Variants in RBMS3 observed in about 807,000 individuals in gnomAD.
RBMS3 encodes RNA-binding motif, single-stranded-interacting protein 3.
A neutral mutation model predicts 66.8 loss-of-function variants in RBMS3; 27 were observed. The ratio of observed to expected loss-of-function variants is 0.40; its 90% CI spans 0.30 to 0.56. RBMS3 has a LOEUF of 0.56. RBMS3 is among the 20% of genes least tolerant of loss of function. The probability of loss-of-function intolerance (pLI) is 0.40; values close to 1 mark genes in which losing one functional copy is unlikely to be tolerated. For synonymous variants in RBMS3, 188 were observed against 183.0 expected (o/e 1.03, Z -0.22); for missense variants, 513 against 549.5 (o/e 0.93, Z 0.66).
intron 7 of RBMS3, among the ~76,000 whole-genome samples, chr3:29,877,985 GT>G (rs1269454378): frequency 2.0e-5 from 3 of 152,094 alleles, no homozygotes; most frequent in Admixed American, 1.3e-4. Context: ...TTAGGAACTG[GT>G]TTTGTAGAAG....
At chr3:29,361,454 A>G (rs534008684) in intron 1 of RBMS3, among the ~76,000 whole-genome samples, 29 of 152,282 alleles carry the variant, frequency 1.9e-4, no homozygotes, top group Admixed American at 7.2e-4. Context: ...TGGGTAACCC[A>G]ACCTTTCTCT....
intron 4 of RBMS3, among the ~76,000 whole-genome samples, chr3:29,724,644 G>C (rs777938027): frequency 6.6e-6 from 1 of 152,072 alleles, no homozygotes; most frequent in Non-Finnish European, 1.5e-5. Flanking sequence ...GTTTGTCATT[G>C]TTTTAGGGCT....
At chr3:29,891,343 A>G (rs1329117956) in intron 8 of RBMS3, among the ~76,000 whole-genome samples, 1 of 151,644 alleles carries the variant, frequency 6.6e-6, no homozygotes, top group Non-Finnish European at 1.5e-5. Flanking sequence ...TCACTTAAAA[A>G]TTAGATCAAT....
intron 1 of RBMS3, among the ~76,000 whole-genome samples, chr3:29,317,376 A>G: frequency 6.6e-6 from 1 of 151,792 alleles, no homozygotes; most frequent in African/African-American, 2.4e-5. Context: ...TTTGTTTGGT[A>G]TTTCTCTCTG....
At chr3:29,331,096 C>T (rs540379730) in intron 1 of RBMS3, among the ~76,000 whole-genome samples, 4 of 152,090 alleles carry the variant, frequency 2.6e-5, no homozygotes, top group African/African-American at 7.2e-5. Flanking sequence ...TCCCAGAAAC[C>T]GAATTGATTA....
At chr3:29,764,062 G>A (rs1199348704) in intron 6 of RBMS3, among the ~76,000 whole-genome samples, 1 of 151,980 alleles carries the variant, frequency 6.6e-6, no homozygotes, top group East Asian at 1.9e-4. Flanking sequence ...TAGATAAGAG[G>A]AAGCATATAC....
chr3:29,994,362 C>G (rs552932570), intron 14 of RBMS3, among the ~76,000 whole-genome samples: 1 of 152,238 alleles, frequency 6.6e-6, no homozygotes, highest in African/African-American at 2.4e-5. Flanking sequence ...GAGGGGCACC[C>G]GCCATTGCCC....
chr3:29,355,779 G>T (rs974697805), intron 1 of RBMS3, among the ~76,000 whole-genome samples: 3 of 152,008 alleles, frequency 2.0e-5, no homozygotes, highest in East Asian at 3.9e-4. Flanking sequence ...AATCATAGTG[G>T]AAATTACATT....
chr3:29,471,003 A>G (rs1167105474), intron 2 of RBMS3, among the ~76,000 whole-genome samples: 2 of 152,164 alleles, frequency 1.3e-5, no homozygotes, highest in Admixed American at 1.3e-4. Context: ...ATAGATATTT[A>G]TATTAAATAC....
intron 4 of RBMS3, among the ~76,000 whole-genome samples, chr3:29,691,947 C>CTCTTTTTTTTTTTTTTT (rs1218393454): frequency 3.7e-5 from 2 of 53,524 alleles, no homozygotes; most frequent in Non-Finnish European, 7.8e-5. Context: ...CTCTCTCTCT[C>CTCTTTTTTTTTTTTTTT]TATTTTTTTT....
intron 2 of RBMS3, among the ~76,000 whole-genome samples, chr3:29,479,035 T>A (rs1375062137): frequency 6.6e-6 from 1 of 152,202 alleles, no homozygotes; most frequent in Non-Finnish European, 1.5e-5. Context: ...TTATTCACTA[T>A]ACATAGGGGC....
intron 1 of RBMS3, among the ~76,000 whole-genome samples, chr3:29,419,038 A>G (rs2040593606): frequency 6.6e-6 from 1 of 152,186 alleles, no homozygotes; most frequent in Admixed American, 6.5e-5. Flanking sequence ...ATTATAAAGA[A>G]TACAGTTTAC....
Position 29,509,244 on chromosome 3 carries a change from A to G in RBMS3, c.307+20745A>G, listed in dbSNP as rs553123187. Among the ~76,000 whole-genome samples the G allele has an allele frequency of 3.3e-5, 5 of 152,112 alleles. No homozygotes were observed. In the East Asian group the frequency reaches 7.8e-4, roughly 24 times the overall value. On this transcript the variant is annotated intron_variant, in intron 3 of 14. Transcript: ENST00000383767. ...TGGCTCTGGTCAATTCTTATCTCTT[A>G]CCACATATCCAACCAACCATACCTA...
chr3:29,790,738 T>G (rs966692890), intron 6 of RBMS3, among the ~76,000 whole-genome samples: 7 of 152,228 alleles, frequency 4.6e-5, no homozygotes, highest in Non-Finnish European at 8.8e-5. Flanking sequence ...GCCCTCATTT[T>G]CTTGCTTTTT....
chr3:29,713,535 G>A (rs1270620502), intron 4 of RBMS3, among the ~76,000 whole-genome samples: 1 of 152,152 alleles, frequency 6.6e-6, no homozygotes, highest in African/African-American at 2.4e-5. Context: ...TTCTATACCA[G>A]AAGAAAAGCA....
intron 8 of RBMS3, among the ~76,000 whole-genome samples, chr3:29,890,377 C>T (rs1398088649): frequency 6.6e-6 from 1 of 151,592 alleles, no homozygotes; most frequent in Non-Finnish European, 1.5e-5. Flanking sequence ...ATTCGCATTG[C>T]TCTATGCAAT....
At chr3:29,922,540 G>T (rs1021218494) in intron 10 of RBMS3, among the ~76,000 whole-genome samples, 2 of 150,760 alleles carry the variant, frequency 1.3e-5, no homozygotes, top group Admixed American at 6.6e-5. Flanking sequence ...CTCAGCATTC[G>T]TGAATGGATG....
intron 4 of RBMS3, among the ~76,000 whole-genome samples, chr3:29,606,778 T>C (rs1182080485): frequency 6.6e-6 from 1 of 152,018 alleles, no homozygotes; most frequent in Non-Finnish European, 1.5e-5. Flanking sequence ...TAGTGCTCAC[T>C]TGCAGACAAA....
chr3:29,775,656 A>G (rs942046974), intron 6 of RBMS3, among the ~76,000 whole-genome samples: 5 of 152,070 alleles, frequency 3.3e-5, no homozygotes, highest in African/African-American at 1.2e-4. Flanking sequence ...GATAATGTTC[A>G]TCTTACATCT....
Sources: gnomAD v4.1 joint callset for allele counts (sites outside exome capture counted in the v4.1 genomes callset) on GRCh38, gnomAD v4.1.1 for gene constraint, MANE v1.5 for transcripts, NCBI Gene and HGNC (gene_info 2026-07-23, HGNC 2026-07-21) for gene names.